ADD2: variants seen among roughly 807,000 people sequenced by gnomAD.
ADD2 encodes beta-adducin.
In ADD2, 23 loss-of-function variants were observed where a neutral mutation model predicts 83.0. The observed-to-expected ratio is 0.28, with a 90% CI of 0.20 to 0.39. ADD2 has a LOEUF of 0.39. ADD2 is among the 10% of genes least tolerant of loss of function. The pLI is 1.00. For synonymous variants in ADD2, 375 were observed against 375.4 expected, an observed-to-expected ratio of 1.00 and a Z score of 0.01; for missense variants, 758 against 944.9, an observed-to-expected ratio of 0.80 and a Z score of 2.59.
In ADD2 at chr2:70,752,732, G is replaced by A. The variant is rs147647265; in HGVS notation, c.-154+15154C>T. 4.0e-3 allele frequency among the ~76,000 whole-genome samples: 616 copies of A among 152,318 alleles called. 4 individuals carry two copies. The highest frequency in any genetic ancestry group is 6.8e-3 in the Non-Finnish European group (465 of 68,030). ...GGGTCATTTAGGGTTGGTCTGAGACGCCTGTAAGACATGCATGTAGAAATG... is the reference window on the plus strand; with the variant it reads ...GGGTCATTTAGGGTTGGTCTGAGACACCTGTAAGACATGCATGTAGAAATG... On this transcript the variant is annotated intron_variant, in intron 1 of 15. Coordinates refer to ENST00000264436, the MANE Select transcript of ADD2 (RefSeq NM_001617.4).
intron 1 of ADD2, among the ~76,000 whole-genome samples, chr2:70,716,805 C>T (rs1300833059): frequency 1.3e-5 from 2 of 152,120 alleles, no homozygotes; most frequent in Admixed American, 1.3e-4. Flanking sequence ...TGGCAGGTGC[C>T]TCAGTGCCCA....
At chr2:70,741,329 C>T (rs1287358170) in intron 1 of ADD2, 14 of 152,198 alleles carry the variant, frequency 9.2e-5, no homozygotes, top group African/African-American at 2.9e-4. Flanking sequence ...TACAGCCTTA[C>T]ACTATAATTA....
At chr2:70,696,563 G>A (rs577440619) in intron 4 of ADD2, among the ~76,000 whole-genome samples, 167 bp from the exon 5 acceptor site, 76 of 152,234 alleles carry the variant, frequency 5.0e-4, no homozygotes, top group African/African-American at 1.7e-3. Context: ...CCACAGAATC[G>A]ACGTCTGTGC....
chr2:70,663,342 G>T lies in ADD2; in HGVS notation c.*83C>A. ...CAGGGTCCTACTCTATCCCTCCTTA[G>T]CCCTGTGCTTGCAGGGACAGAGATG... On this transcript the variant is annotated 3_prime_UTR_variant, in exon 16 of 16. Coordinates refer to ENST00000264436, the MANE Select transcript of ADD2 (RefSeq NM_001617.4). 1 of 1,434,142 alleles carries T rather than the reference G, an allele frequency of 7.0e-7. No individual in the cohort carries two copies. Among genetic ancestry groups the T allele is most frequent in the East Asian group, 2.3e-5 (1 of 44,018 alleles). 88.8% of individuals were successfully genotyped at this position (1,434,142 alleles called of 1,614,324 possible). A position where few individuals can be genotyped will look rare whatever the true frequency, so the allele number is the denominator to read the frequency against.
chr2:70,682,368 CA>C (rs1465132984), intron 10 of ADD2, among the ~76,000 whole-genome samples: 1 of 152,140 alleles, frequency 6.6e-6, no homozygotes, highest in African/African-American at 2.4e-5. Context: ...ATAGATTACT[CA>C]GCATACAAAT....
At chr2:70,720,219 G>A (rs1553377094) in intron 1 of ADD2, among the ~76,000 whole-genome samples, 4 of 152,130 alleles carry the variant, frequency 2.6e-5, no homozygotes, top group Non-Finnish European at 5.9e-5. Flanking sequence ...AGCTGTGAAC[G>A]TTCAAAACTG....
At chr2:70,675,005 C>G in intron 13 of ADD2, 180 bp from the exon 14 acceptor site, 1 of 1,342,530 alleles carries the variant, frequency 7.4e-7, no homozygotes, top group Admixed American at 3.3e-5. Flanking sequence ...CCCATTGCTA[C>G]CTTACCCCTA....
chr2:70,749,985 T>C (rs1674427048), intron 1 of ADD2, among the ~76,000 whole-genome samples: 3 of 152,178 alleles, frequency 2.0e-5, no homozygotes, highest in Admixed American at 2.0e-4. Flanking sequence ...GACAAAAGAC[T>C]TTCCTGTCCA....
At chr2:70,686,622 T>G (rs141802703) in intron 9 of ADD2, among the ~76,000 whole-genome samples, 2 of 152,152 alleles carry the variant, frequency 1.3e-5, no homozygotes, top group Non-Finnish European at 2.9e-5. Context: ...AGAAGGAAGA[T>G]AGGGAGCTCT....
intron 13 of ADD2, chr2:70,675,627 A>T (rs782402983): frequency 9.9e-5 from 98 of 985,324 alleles, no homozygotes; most frequent in Non-Finnish European, 1.2e-4. Context: ...CAGTGCTCTG[A>T]AGCTGAGGAG....
Position 70,751,009 on chromosome 2 carries a change from ACT to A in ADD2, c.-154+16875_-154+16876del, listed in dbSNP as rs1181520509. 2.0e-5 allele frequency among the ~76,000 whole-genome samples: 3 copies of A among 151,904 alleles called. No homozygotes were observed. The East Asian group carries it at 5.8e-4, about 29-fold the overall frequency. On this transcript the variant is annotated intron_variant, in intron 1 of 15. Transcript: ENST00000264436. ...CTTGAAATCAAATAGCATCTTGAAA[ACT>A]CTGACTTTAAAAATGGGAGACGCTG...
chr2:70,663,255 T>C lies in ADD2; in HGVS notation c.*170A>G, dbSNP rs1416446692. 1.2e-5 allele frequency: 9 copies of C among 744,740 alleles called. No individual in the cohort carries two copies. The African/African-American group carries it at 1.6e-4, about 13-fold the overall frequency. 46.1% of individuals were successfully genotyped at this position (744,740 alleles called of 1,614,324 possible). A position where few individuals can be genotyped will look rare whatever the true frequency, so the allele number is the denominator to read the frequency against. On this transcript the variant is annotated 3_prime_UTR_variant, in exon 16 of 16. Coordinates refer to ENST00000264436, the MANE Select transcript of ADD2 (RefSeq NM_001617.4). ...CTTGGGCAAGTCACCTGATTTCTCT[T>C]GGGCAACTGTAAAACGAAGGGTTGG...
At chr2:70,666,311 A>C (rs1675800734) in intron 15 of ADD2, among the ~76,000 whole-genome samples, 1 of 152,172 alleles carries the variant, frequency 6.6e-6, no homozygotes, top group Non-Finnish European at 1.5e-5. Flanking sequence ...ATCATCACCT[A>C]ATCTTTTCTT....
intron 1 of ADD2, among the ~76,000 whole-genome samples, chr2:70,741,903 C>T (rs10171009): frequency 0.038 from 5,760 of 151,256 alleles, 366 homozygotes; most frequent in African/African-American, 0.13. Flanking sequence ...ACATCCCACC[C>T]AGCTGTGGGC....
chr2:70,688,598 G>T (rs1222787719), intron 8 of ADD2, among the ~76,000 whole-genome samples: 2 of 152,164 alleles, frequency 1.3e-5, no homozygotes, highest in East Asian at 3.8e-4. Flanking sequence ...CTTAGTTGAC[G>T]TGGGAGTCAA....
intron 3 of ADD2, 53 bp from the exon 4 acceptor site, chr2:70,704,512 C>A (rs1233769949): frequency 1.2e-6 from 2 of 1,602,800 alleles, no homozygotes; most frequent in Non-Finnish European, 1.7e-6. Flanking sequence ...CACAGCTGCC[C>A]AACAATGAGC....
intron 8 of ADD2, 43 bp downstream of exon 8, chr2:70,690,743 A>G: frequency 1.3e-6 from 2 of 1,578,174 alleles, no homozygotes; most frequent in Admixed American, 1.9e-5. Context: ...TTGGCTTTTG[A>G]CAATGCCACT....
intron 9 of ADD2, among the ~76,000 whole-genome samples, chr2:70,685,048 G>A (rs1363389073): frequency 6.6e-6 from 1 of 152,264 alleles, no homozygotes; most frequent in Middle Eastern, 3.4e-3. Flanking sequence ...AGAGACAATG[G>A]CTTATGAATA....
chr2:70,760,708 G>A (rs1553384697), intron 1 of ADD2: 2 of 152,194 alleles, frequency 1.3e-5, no homozygotes, highest in Non-Finnish European at 2.9e-5. Flanking sequence ...TGACCTGCAT[G>A]GTGGTCACAC....
Sources: gnomAD v4.1 joint callset for allele counts (sites outside exome capture counted in the v4.1 genomes callset) on GRCh38, gnomAD v4.1.1 for gene constraint, MANE v1.5 for transcripts, NCBI Gene and HGNC (gene_info 2026-07-23, HGNC 2026-07-21) for gene names.